The following SHANK2 variants were observed in gnomAD, a reference collection of about 807,000 sequenced individuals.
The protein encoded by SHANK2 is SH3 and multiple ankyrin repeat domains protein 2.
In SHANK2, 43 loss-of-function variants were observed where a neutral mutation model predicts 133.7. The ratio of observed to expected loss-of-function variants is 0.32; its 90% CI spans 0.25 to 0.41. The LOEUF (loss-of-function observed/expected upper bound fraction) is 0.41, where lower values mean the gene tolerates loss of function less well. SHANK2 is among the 10% of genes least tolerant of loss of function. The probability of loss-of-function intolerance (pLI) is 1.00; values close to 1 mark genes in which losing one functional copy is unlikely to be tolerated. For missense variants in SHANK2, 1,994 were observed against 2,235.8 expected, an observed-to-expected ratio of 0.89 and a Z score of 2.18; for synonymous variants, 1,017 against 952.8, an observed-to-expected ratio of 1.07 and a Z score of -1.24.
intron 6 of SHANK2, among the ~76,000 whole-genome samples, chr11:71,108,943 C>G (rs1018372376): frequency 6.6e-6 from 1 of 152,218 alleles, no homozygotes; most frequent in Non-Finnish European, 1.5e-5. Flanking sequence ...GCGGGCCCCC[C>G]CCCAGCGTTC....
chr11:70,702,693 C>T (rs1225605605), intron 14 of SHANK2, among the ~76,000 whole-genome samples: 1 of 152,256 alleles, frequency 6.6e-6, no homozygotes, highest in Non-Finnish European at 1.5e-5. Flanking sequence ...TAAATTATCT[C>T]ATTTCATTAA....
Position 70,472,919 on chromosome 11 carries a change from C to T in SHANK2, c.5500G>A (p.Gly1834Arg). 1.2e-6 allele frequency: 2 copies of T among 1,614,202 alleles called. No homozygotes were observed. The highest frequency in any genetic ancestry group is 1.7e-6 in the Non-Finnish European group (2 of 1,180,042). The change falls in exon 26 of 26, where the codon GGG becomes AGG. Residue 1834 changes from glycine (G) to arginine (R), a missense_variant. Physicochemically the swap from Gly to Arg is moderately radical, Grantham distance 125. Transcript: ENST00000601538. The surrounding 1 kb of genome is among the most constrained non-coding windows in gnomAD (Gnocchi z 4.4). ...DLIDLGVTRV[G>R]HRMNIERALK... ...GCCCTTTCTATGTTCATTCTGTGCC[C>T]GACTCGAGTTACCCCAAGATCGATG...
chr11:71,210,288 G>A (rs1023646916), intron 2 of SHANK2, among the ~76,000 whole-genome samples: 6 of 122,990 alleles, frequency 4.9e-5, no homozygotes, highest in East Asian at 2.6e-4. Context: ...TCTCTCTGTC[G>A]CCCAGGCTGG....
At chr11:70,797,763 G>A (rs991262266) in intron 14 of SHANK2, among the ~76,000 whole-genome samples, 2 of 151,910 alleles carry the variant, frequency 1.3e-5, no homozygotes, top group Non-Finnish European at 2.9e-5. Flanking sequence ...CTAAAAGCCA[G>A]ATGCCGTTCA....
At chr11:70,947,353 A>ATTTT (rs71049955) in intron 10 of SHANK2, among the ~76,000 whole-genome samples, 8 of 133,088 alleles carry the variant, frequency 6.0e-5, no homozygotes, top group Non-Finnish European at 7.8e-5. Flanking sequence ...TGACATCTAC[A>ATTTT]TTTTTTTTTT....
At chr11:70,811,860 C>T (rs1590710452) in intron 12 of SHANK2, among the ~76,000 whole-genome samples, 1 of 152,340 alleles carries the variant, frequency 6.6e-6, no homozygotes, top group East Asian at 1.9e-4. Context: ...ATCCACCCAT[C>T]CATCTTATCA....
chr11:71,115,435 C>T (rs1158369267), intron 4 of SHANK2, among the ~76,000 whole-genome samples: 2 of 152,202 alleles, frequency 1.3e-5, no homozygotes, highest in Admixed American at 1.3e-4. Flanking sequence ...CACCACTGCA[C>T]TCTAGCCTGG....
At chr11:70,474,810 GC>G in intron 25 of SHANK2, 1 of 152,364 alleles carries the variant, frequency 6.6e-6, no homozygotes, top group East Asian at 1.9e-4. Context: ...GTCTGCTGGA[GC>G]CCTGGCTCTG....
chr11:70,579,228 C>G (rs1236292697), intron 17 of SHANK2, among the ~76,000 whole-genome samples: 1 of 152,200 alleles, frequency 6.6e-6, no homozygotes, highest in Non-Finnish European at 1.5e-5. Context: ...CGTGGGGCAT[C>G]ATATTTCTCA....
chr11:70,617,301 G>A (rs1050844750), intron 17 of SHANK2, among the ~76,000 whole-genome samples: 1 of 143,590 alleles, frequency 7.0e-6, no homozygotes, highest in Non-Finnish European at 1.6e-5. Context: ...GTGCCTGAGA[G>A]AGTATGTGTG....
intron 12 of SHANK2, among the ~76,000 whole-genome samples, chr11:70,811,533 C>T (rs1372825233): frequency 6.6e-6 from 1 of 152,086 alleles, no homozygotes. Context: ...ATCCACCCAC[C>T]CACTCATCCA....
intron 6 of SHANK2, among the ~76,000 whole-genome samples, chr11:71,101,802 G>T (rs1278604851): frequency 1.3e-5 from 2 of 152,226 alleles, no homozygotes; most frequent in Non-Finnish European, 2.9e-5. Flanking sequence ...CGGTGCGGGA[G>T]CTGGGAAGGG....
rs901191406 is a variant in SHANK2, at chr11:70,739,753, G to A, written c.1778-40990C>T. On this transcript the variant is annotated intron_variant, in intron 14 of 25. Transcript: ENST00000601538. The surrounding 1 kb of genome is among the most constrained non-coding windows in gnomAD (Gnocchi z 4.3). Reference sequence around the variant, plus strand: ...ATTTGGAGATAAGGTCTTTAAAGAGGTGATTAAGTTAAAACGAGGTACTGT... The same window carrying A: ...ATTTGGAGATAAGGTCTTTAAAGAGATGATTAAGTTAAAACGAGGTACTGT... Among the ~76,000 whole-genome samples the A allele has an allele frequency of 7.2e-5, 11 of 152,190 alleles. No homozygotes were observed. Among genetic ancestry groups the A allele is most frequent in the Non-Finnish European group, 1.3e-4 (9 of 68,036 alleles).
At chr11:71,150,941 A>G (rs1265899851) in intron 2 of SHANK2, among the ~76,000 whole-genome samples, 6 of 152,090 alleles carry the variant, frequency 3.9e-5, no homozygotes, top group Non-Finnish European at 7.4e-5. Context: ...CAACATCTGG[A>G]TTTCAGTCAT....
At chr11:71,209,923 C>T (rs955009956) in intron 2 of SHANK2, among the ~76,000 whole-genome samples, 12 of 151,944 alleles carry the variant, frequency 7.9e-5, no homozygotes, top group Non-Finnish European at 1.3e-4. Context: ...AGATGCCTGG[C>T]GCCCAGTGGG....
intron 17 of SHANK2, among the ~76,000 whole-genome samples, chr11:70,518,846 T>C (rs530120670): frequency 1.8e-4 from 28 of 152,358 alleles, no homozygotes; most frequent in Admixed American, 1.8e-3. Context: ...CTTCACCTCC[T>C]GGGAGCTGCA....
At position 70,486,181 on chromosome 11, in the gene SHANK2, G is replaced by A; in HGVS notation, c.4112C>T (p.Pro1371Leu). 6.2e-7 allele frequency: 1 copy of A among 1,613,200 alleles called. No individual in the cohort carries two copies. The highest frequency in any genetic ancestry group is 1.7e-4 in the Middle Eastern group (1 of 6,058). Residue 1371 changes from proline (P) to leucine (L), a missense_variant, in exon 25 of 26, where the codon CCC becomes CTC. Pro to Leu is a moderately conservative substitution (Grantham distance 98). Transcript: ENST00000601538. The surrounding 1 kb of genome is among the most constrained non-coding windows in gnomAD (Gnocchi z 8.0). The stretch of plus-strand genomic sequence containing the variant: ...GCCCACCGCGACGATGGTTCTGCCG[G>A]GCACGGTGGTGGGCTCGGGGGCAGC... ...ISAAPEPTTV[P>L]GRTIVAVGSM...
intron 25 of SHANK2, among the ~76,000 whole-genome samples, chr11:70,481,925 A>C (rs1555151736): frequency 1.3e-5 from 2 of 150,804 alleles, no homozygotes. Context: ...CCCTCACGGC[A>C]AGGGGGACAG....
chr11:71,078,731 G>T (rs1296820421), intron 8 of SHANK2, among the ~76,000 whole-genome samples: 1 of 152,192 alleles, frequency 6.6e-6, no homozygotes, highest in Non-Finnish European at 1.5e-5. Context: ...CCTGGCAATG[G>T]CCTGACGACT....
Sources: gnomAD v4.1 joint callset for allele counts (sites outside exome capture counted in the v4.1 genomes callset) on GRCh38, gnomAD v4.1.1 for gene constraint, Gnocchi (gnomAD v3.1) non-coding constraint, MANE v1.5 for transcripts, NCBI Gene and HGNC (gene_info 2026-07-23, HGNC 2026-07-21) for gene names.